TMEM131: variants seen among roughly 807,000 people sequenced by gnomAD.
The protein encoded by TMEM131 is transmembrane protein 131.
In TMEM131, 66 loss-of-function variants were observed where a neutral mutation model predicts 211.6. That is an observed-to-expected ratio of 0.31 (90% CI 0.26 to 0.38). The LOEUF (loss-of-function observed/expected upper bound fraction) is 0.38. Ranked by LOEUF, TMEM131 falls within the 10% of genes least tolerant of loss-of-function variation. TMEM131 has a pLI of 1.00. For synonymous variants in TMEM131, 844 were observed against 841.3 expected (o/e 1.00, Z -0.06); for missense variants, 2,036 against 2,299.3 (o/e 0.89, Z 2.34).
chr2:97,758,211 A>G (rs1196223703), intron 40 of TMEM131, among the ~76,000 whole-genome samples: 1 of 152,226 alleles, frequency 6.6e-6, no homozygotes, highest in African/African-American at 2.4e-5. Flanking sequence ...CTGAATAATT[A>G]CACATGAAGA....
At chr2:97,853,366 G>A (rs529487546) in intron 5 of TMEM131, among the ~76,000 whole-genome samples, 2 of 151,270 alleles carry the variant, frequency 1.3e-5, no homozygotes, top group East Asian at 1.9e-4. Flanking sequence ...AGGCTGAGGC[G>A]GGTGGATCAC....
At chr2:97,950,537 T>C (rs1288330711) in intron 1 of TMEM131, among the ~76,000 whole-genome samples, 1 of 152,200 alleles carries the variant, frequency 6.6e-6, no homozygotes, top group Non-Finnish European at 1.5e-5. Flanking sequence ...CTCTACACTC[T>C]GTGGCAAAGA....
chr2:97,904,051 T>C (rs1429591208), intron 3 of TMEM131, among the ~76,000 whole-genome samples: 1 of 152,192 alleles, frequency 6.6e-6, no homozygotes, highest in Non-Finnish European at 1.5e-5. Context: ...TCAATAGTTC[T>C]ACATTAGAGA....
At chr2:97,940,795 C>T (rs1444110090) in intron 1 of TMEM131, among the ~76,000 whole-genome samples, 1 of 147,602 alleles carries the variant, frequency 6.8e-6, no homozygotes, top group Non-Finnish European at 1.5e-5. Flanking sequence ...GGCGACAGAG[C>T]CAGACTCCAT....
At chr2:97,978,884 C>T (rs910036234) in intron 1 of TMEM131, among the ~76,000 whole-genome samples, 1 of 152,128 alleles carries the variant, frequency 6.6e-6, no homozygotes, top group Non-Finnish European at 1.5e-5. Flanking sequence ...GGACTTTGCC[C>T]AGATCCAACT....
At chr2:97,884,681 T>A (rs1460110491) in intron 4 of TMEM131, among the ~76,000 whole-genome samples, 1 of 152,244 alleles carries the variant, frequency 6.6e-6, no homozygotes, top group Non-Finnish European at 1.5e-5. Context: ...TCCTTCTTTG[T>A]TGCTTTTTAT....
intron 2 of TMEM131, among the ~76,000 whole-genome samples, chr2:97,909,472 G>A (rs1676207978): frequency 6.6e-6 from 1 of 152,130 alleles, no homozygotes; most frequent in Non-Finnish European, 1.5e-5. Context: ...TAAGGAAGAT[G>A]AGAAAAAGTA....
chr2:97,760,238 C>T (rs1046731571), intron 38 of TMEM131: 1 of 299,250 alleles, frequency 3.3e-6, no homozygotes, highest in Non-Finnish European at 6.3e-6. Flanking sequence ...AGTATTTGCT[C>T]CAGATTTCCC....
At position 97,785,633 on chromosome 2, in the gene TMEM131, A is replaced by T. The variant is rs1385777453; in HGVS notation, c.4144+6753T>A. ...AGTTTCTTAAAAAATGAAATATGCA[A>T]CTATCATAAGACCCAACAAATTCAC... is the stretch of plus-strand genomic sequence containing the variant. On this transcript the variant is annotated intron_variant, in intron 31 of 40. Coordinates refer to ENST00000186436, the MANE Select transcript of TMEM131 (RefSeq NM_015348.2). Among the ~76,000 whole-genome samples the T allele has an allele frequency of 2.6e-5, 4 of 152,340 alleles. No homozygotes were observed. The East Asian group carries it at 5.8e-4, about 22-fold the overall frequency.
At chr2:97,853,006 A>G (rs984796652) in intron 5 of TMEM131, among the ~76,000 whole-genome samples, 5 of 152,226 alleles carry the variant, frequency 3.3e-5, no homozygotes, top group Non-Finnish European at 5.9e-5. Flanking sequence ...CACTGTTGAG[A>G]CCTAATGCTC....
intron 1 of TMEM131, 51 bp downstream of exon 1, chr2:97,995,425 C>G: frequency 1.5e-6 from 2 of 1,311,970 alleles, no homozygotes; most frequent in Non-Finnish European, 1.9e-6. Flanking sequence ...CCGGCCTCCG[C>G]GAGAGCGGGG....
At position 97,802,677 on chromosome 2, in the gene TMEM131, G is replaced by A. The variant is rs769011655; in HGVS notation, c.2516C>T (p.Pro839Leu). 1 of 1,611,776 alleles carries A rather than the reference G, an allele frequency of 6.2e-7. No individual in the cohort carries two copies. Among genetic ancestry groups the A allele is most frequent in the South Asian group, 1.1e-5 (1 of 90,602 alleles). The change falls in exon 23 of 41, where the codon CCA becomes CTA. Residue 839 changes from proline (P) to leucine (L), a missense_variant. Pro to Leu is a moderately conservative substitution (Grantham distance 98). This residue lies in a region of TMEM131 where 1,623 missense variants were observed against 1,805.9 expected (regional missense o/e 0.90). Transcript: ENST00000186436. ...TGAGGAGCAGTTTGTATTAGTAAGT[G>A]GAAATTTCAAGTGCCGGGGTGAGCT... is the stretch of plus-strand genomic sequence containing the variant. ...ILSSPRHLKFPLTNTNCSSEE... is the reference protein window; with the variant it reads ...ILSSPRHLKFLLTNTNCSSEE...
At chr2:97,921,892 A>G (rs1320937104) in intron 2 of TMEM131, among the ~76,000 whole-genome samples, 1 of 152,232 alleles carries the variant, frequency 6.6e-6, no homozygotes, top group African/African-American at 2.4e-5. Context: ...GAGGGAAGGA[A>G]GAAAACACTT....
intron 24 of TMEM131, 104 bp from the exon 25 acceptor site, chr2:97,802,065 T>C (rs1222679163): frequency 6.6e-6 from 5 of 752,604 alleles, no homozygotes; most frequent in South Asian, 4.9e-5. Flanking sequence ...TTATTGTCTG[T>C]CAGGTTTTGA....
intron 22 of TMEM131, among the ~76,000 whole-genome samples, chr2:97,804,873 C>T (rs540280007): frequency 6.6e-6 from 1 of 152,038 alleles, no homozygotes; most frequent in South Asian, 2.1e-4. Flanking sequence ...TCTAAAGCAC[C>T]ACAGAAAAGA....
At chr2:97,774,670 C>A (rs1378229888) in intron 32 of TMEM131, among the ~76,000 whole-genome samples, 1 of 152,102 alleles carries the variant, frequency 6.6e-6, no homozygotes, top group Non-Finnish European at 1.5e-5. Context: ...GAGGGGGCCA[C>A]AGTGGTGTGA....
At position 97,757,053 on chromosome 2, in the gene TMEM131, A is replaced by T. The variant is rs879358582; in HGVS notation, c.*46T>A. 6.6e-6 allele frequency: 10 copies of T among 1,520,098 alleles called. No homozygotes were observed. Among genetic ancestry groups the T allele is most frequent in the African/African-American group, 2.8e-5 (2 of 72,198 alleles). 94.2% of individuals were successfully genotyped at this position (1,520,098 alleles called of 1,614,324 possible). A position where few individuals can be genotyped will look rare whatever the true frequency, so the allele number is the denominator to read the frequency against. On this transcript the variant is annotated 3_prime_UTR_variant, in exon 41 of 41. Coordinates refer to ENST00000186436, the MANE Select transcript of TMEM131 (RefSeq NM_015348.2). ...AAGATGTCTCAGAAACTGGCACATC[A>T]TGATCTAGACGAGGGCCCACTATGT...
intron 1 of TMEM131, among the ~76,000 whole-genome samples, chr2:97,974,260 C>T (rs900903337): frequency 6.6e-6 from 1 of 152,030 alleles, no homozygotes; most frequent in East Asian, 1.9e-4. Flanking sequence ...AATTAGGGAA[C>T]TTGAAGGCAT....
chr2:97,821,428 G>C (rs1278813991), intron 11 of TMEM131, among the ~76,000 whole-genome samples: 2 of 152,212 alleles, frequency 1.3e-5, no homozygotes, highest in East Asian at 1.9e-4. Flanking sequence ...CGAGCCAGTA[G>C]AGGCAACCCG....
Sources: allele counts gnomAD v4.1 joint callset (sites outside exome capture counted in the v4.1 genomes callset), GRCh38; gene constraint gnomAD v4.1.1; regional missense constraint gnomAD v4.1.1; transcripts MANE v1.5; gene names NCBI Gene and HGNC (gene_info 2026-07-23, HGNC 2026-07-21).